KCNQ2: variants seen among roughly 807,000 people sequenced by gnomAD.
KCNQ2 encodes the protein potassium voltage-gated channel subfamily KQT member 2.
KCNQ2 carries 14 observed loss-of-function variants against 84.8 expected under a neutral mutation model. That is an observed-to-expected ratio of 0.17 (90% CI 0.11 to 0.26). The LOEUF is 0.26. Ranked by LOEUF, KCNQ2 falls within the 10% of genes least tolerant of loss-of-function variation. The pLI, the probability that KCNQ2 is intolerant of heterozygous loss-of-function variation, is 1.00. For synonymous variants in KCNQ2, 599 were observed against 554.1 expected (o/e 1.08, Z -1.14); for missense variants, 788 against 1,254.0 (o/e 0.63, Z 5.61).
chr20:63,467,996 C>T (rs2082121973), intron 1 of KCNQ2, among the ~76,000 whole-genome samples: 1 of 152,238 alleles, frequency 6.6e-6, no homozygotes, highest in Non-Finnish European at 1.5e-5. Context: ...CTCCTATCCT[C>T]TCACAGACAC....
intron 11 of KCNQ2, among the ~76,000 whole-genome samples, chr20:63,423,076 G>A (rs766734085): frequency 4.6e-5 from 7 of 152,198 alleles, no homozygotes; most frequent in African/African-American, 1.7e-4. Context: ...CTACGCTGCC[G>A]ACCCAGCTCT....
chr20:63,424,380 C>G, intron 10 of KCNQ2, 174 bp from the exon 11 acceptor site: 1 of 705,278 alleles, frequency 1.4e-6, no homozygotes. Context: ...CCCACGGCCC[C>G]AGGAACGGGC....
chr20:63,464,242 G>A (rs1197653705), intron 1 of KCNQ2, among the ~76,000 whole-genome samples: 3 of 152,012 alleles, frequency 2.0e-5, no homozygotes, highest in Non-Finnish European at 4.4e-5. Context: ...GCCCTGGGCT[G>A]GGAGCTCTGG....
intron 12 of KCNQ2, among the ~76,000 whole-genome samples, chr20:63,418,483 C>A (rs2080368561): frequency 1.3e-5 from 2 of 152,140 alleles, no homozygotes; most frequent in African/African-American, 2.4e-5. Flanking sequence ...GATGAAGGGG[C>A]CTCCCGTGGG....
chr20:63,454,605 G>A (rs964079830), intron 1 of KCNQ2, among the ~76,000 whole-genome samples: 10 of 152,246 alleles, frequency 6.6e-5, no homozygotes, highest in African/African-American at 2.4e-4. Flanking sequence ...GGAAGACACA[G>A]GGGCTTCCAG....
chr20:63,431,252 G>A lies in KCNQ2; in HGVS notation c.1148+88C>T, dbSNP rs375002784. The A allele has an allele frequency of 4.9e-5, 73 of 1,490,414 alleles. No individual in the cohort carries two copies. The African/African-American group carries it at 7.2e-4, about 15-fold the overall frequency. The allele number at this position is 1,490,414 out of a possible 1,614,324, so 92.3% of individuals were successfully genotyped here. A position where few individuals can be genotyped will look rare whatever the true frequency, so the allele number is the denominator to read the frequency against. On this transcript the variant is annotated intron_variant, in intron 9 of 16. Coordinates refer to ENST00000359125, the MANE Select transcript of KCNQ2 (RefSeq NM_172107.4). ...TCACTCTGCAGACCGGGTGGGCCACGGGGCTCCAGGGGCTTGCCCGGTCAC... is the reference window on the plus strand; with the variant it reads ...TCACTCTGCAGACCGGGTGGGCCACAGGGCTCCAGGGGCTTGCCCGGTCAC...
intron 1 of KCNQ2, among the ~76,000 whole-genome samples, chr20:63,470,057 C>T (rs1016247018): frequency 1.3e-5 from 2 of 152,238 alleles, no homozygotes; most frequent in South Asian, 2.1e-4. Context: ...CCGACGTTAC[C>T]GACGGAAAAC....
intron 15 of KCNQ2, chr20:63,409,977 G>T (rs912696006): frequency 2.7e-5 from 8 of 301,480 alleles, no homozygotes; most frequent in African/African-American, 4.5e-5. Context: ...CTGATGGGAG[G>T]GGGGAGGGTG....
chr20:63,418,369 T>A (rs757852227), intron 12 of KCNQ2, among the ~76,000 whole-genome samples: 1 of 152,160 alleles, frequency 6.6e-6, no homozygotes, highest in East Asian at 1.9e-4. Context: ...TCCCTCCCAA[T>A]GGTGAAATTC....
intron 15 of KCNQ2, chr20:63,412,227 G>T (rs577207504): frequency 4.0e-6 from 1 of 249,932 alleles, no homozygotes; most frequent in Non-Finnish European, 7.7e-6. Flanking sequence ...GTCAGGAGCC[G>T]GCCGAGGACT....
At chr20:63,416,337 C>T (rs2080295705) in intron 12 of KCNQ2, among the ~76,000 whole-genome samples, 2 of 152,184 alleles carry the variant, frequency 1.3e-5, no homozygotes, top group African/African-American at 4.8e-5. Context: ...GGTTTGCACC[C>T]GAGTTCTTCA....
intron 5 of KCNQ2, among the ~76,000 whole-genome samples, 178 bp downstream of exon 5, chr20:63,442,228 C>T (rs1258145087): frequency 6.6e-6 from 1 of 151,890 alleles, no homozygotes; most frequent in Non-Finnish European, 1.5e-5. Flanking sequence ...CCACCCACTC[C>T]CCCGCCAGCT....
chr20:63,458,699 G>T (rs545195666), intron 1 of KCNQ2, among the ~76,000 whole-genome samples: 1 of 152,234 alleles, frequency 6.6e-6, no homozygotes, highest in Non-Finnish European at 1.5e-5. Context: ...CAAGTGCCCA[G>T]CCCAGAACCT....
At chr20:63,451,137 CAAA>C (rs58922723) in intron 1 of KCNQ2, among the ~76,000 whole-genome samples, 7 of 110,050 alleles carry the variant, frequency 6.4e-5, no homozygotes, top group Admixed American at 2.7e-4. Flanking sequence ...GACTCTGTCC[CAAA>C]AAAAAAAAAA....
chr20:63,429,405 C>T (rs916411596), intron 9 of KCNQ2, among the ~76,000 whole-genome samples: 1 of 152,156 alleles, frequency 6.6e-6, no homozygotes, highest in Admixed American at 6.5e-5. Context: ...GGGGCCACGT[C>T]CTGGTCTCTC....
At chr20:63,465,581 G>A (rs1340193886) in intron 1 of KCNQ2, among the ~76,000 whole-genome samples, 1 of 152,204 alleles carries the variant, frequency 6.6e-6, no homozygotes, top group East Asian at 1.9e-4. Flanking sequence ...GTGAGCGTAG[G>A]GGTCGCACGC....
chr20:63,464,345 C>T (rs1170275559), intron 1 of KCNQ2, among the ~76,000 whole-genome samples: 1 of 151,900 alleles, frequency 6.6e-6, no homozygotes. Flanking sequence ...CCAAGTGCCC[C>T]GAGGCCTCGG....
At chr20:63,424,301 G>A (rs2080564616) in intron 10 of KCNQ2, 95 bp from the exon 11 acceptor site, 2 of 1,386,654 alleles carry the variant, frequency 1.4e-6, no homozygotes, top group Non-Finnish European at 2.0e-6. Context: ...CATGGGTCAG[G>A]GGCTGCAGGG....
chr20:63,413,209 C>A, intron 15 of KCNQ2: 1 of 559,946 alleles, frequency 1.8e-6, no homozygotes, highest in South Asian at 2.0e-5. Flanking sequence ...TTTCAGGGAC[C>A]CACACACACA....
Sources: allele counts gnomAD v4.1 joint callset (sites outside exome capture counted in the v4.1 genomes callset), GRCh38; gene constraint gnomAD v4.1.1; transcripts MANE v1.5; gene names NCBI Gene and HGNC (gene_info 2026-07-23, HGNC 2026-07-21).